Variants in IMMP2L observed in about 807,000 individuals in gnomAD.
IMMP2L encodes mitochondrial inner membrane protease subunit 2.
IMMP2L carries 18 observed loss-of-function variants against 19.3 expected under a neutral mutation model. That is an observed-to-expected ratio of 0.93 (90% CI 0.64 to 1.38). The LOEUF (loss-of-function observed/expected upper bound fraction) is 1.38. IMMP2L is among the 40% of genes most tolerant of loss of function. The probability of loss-of-function intolerance (pLI) is 0.00; values close to 1 mark genes in which losing one functional copy is unlikely to be tolerated. For synonymous variants in IMMP2L, 76 were observed against 73.0 expected, an observed-to-expected ratio of 1.04 and a Z score of -0.21; for missense variants, 233 against 218.2, an observed-to-expected ratio of 1.07 and a Z score of -0.43.
intron 3 of IMMP2L, among the ~76,000 whole-genome samples, chr7:111,424,209 C>T (rs1835857715): frequency 6.6e-6 from 1 of 151,820 alleles, no homozygotes; most frequent in Admixed American, 6.6e-5. Flanking sequence ...CGGTAAGGTA[C>T]TTTCTACTCA....
intron 3 of IMMP2L, among the ~76,000 whole-genome samples, chr7:111,378,456 C>G (rs1029265424): frequency 3.9e-5 from 6 of 151,956 alleles, no homozygotes; most frequent in Non-Finnish European, 5.9e-5. Context: ...TAATACTTCA[C>G]ATTTATTAGT....
intron 5 of IMMP2L, among the ~76,000 whole-genome samples, chr7:110,786,454 T>C (rs963255964): frequency 2.6e-5 from 4 of 151,958 alleles, no homozygotes; most frequent in Middle Eastern, 3.2e-3. Flanking sequence ...TTTTGTGAAA[T>C]TGCTATCACT....
chr7:111,242,324 T>G (rs937496778), intron 3 of IMMP2L, among the ~76,000 whole-genome samples: 13 of 152,078 alleles, frequency 8.5e-5, no homozygotes, highest in Non-Finnish European at 1.3e-4. Context: ...TCCAACGTTA[T>G]TTATGACAAA....
chr7:110,971,468 C>A (rs1820136385), intron 3 of IMMP2L, among the ~76,000 whole-genome samples: 1 of 152,090 alleles, frequency 6.6e-6, no homozygotes, highest in African/African-American at 2.4e-5. Context: ...GACAGGCCAA[C>A]ATGCCATCCC....
At chr7:110,899,796 G>A (rs1811680961) in intron 4 of IMMP2L, among the ~76,000 whole-genome samples, 1 of 152,152 alleles carries the variant, frequency 6.6e-6, no homozygotes. Context: ...CTGTATGTTT[G>A]CTATTAAACA....
At chr7:111,318,494 CATT>C (rs1824345095) in intron 3 of IMMP2L, among the ~76,000 whole-genome samples, 1 of 152,260 alleles carries the variant, frequency 6.6e-6, no homozygotes, top group African/African-American at 2.4e-5. Flanking sequence ...TCATCATCAT[CATT>C]AAGAAGCCTC....
At chr7:110,886,998 C>A (rs1810287912) in intron 4 of IMMP2L, among the ~76,000 whole-genome samples, 1 of 151,994 alleles carries the variant, frequency 6.6e-6, no homozygotes, top group South Asian at 2.1e-4. Flanking sequence ...TTTATGAAAT[C>A]CGGTAAGCCC....
At chr7:111,227,583 T>C (rs183357478) in intron 3 of IMMP2L, among the ~76,000 whole-genome samples, 1 of 152,152 alleles carries the variant, frequency 6.6e-6, no homozygotes, top group African/African-American at 2.4e-5. Flanking sequence ...AAGAAATAAA[T>C]GTGTCTACAA....
chr7:111,131,360 G>C (rs571827446), intron 3 of IMMP2L, among the ~76,000 whole-genome samples: 7 of 151,926 alleles, frequency 4.6e-5, no homozygotes, highest in Admixed American at 4.6e-4. Context: ...TTCTGTTGAC[G>C]CATGCATAGA....
intron 3 of IMMP2L, among the ~76,000 whole-genome samples, chr7:111,254,000 T>C (rs192684751): frequency 6.6e-6 from 1 of 152,266 alleles, no homozygotes; most frequent in African/African-American, 2.4e-5. Context: ...ACATAATATT[T>C]ATGGAAATTA....
At chr7:111,469,644 A>G (rs1312533259) in intron 3 of IMMP2L, among the ~76,000 whole-genome samples, 1 of 152,150 alleles carries the variant, frequency 6.6e-6, no homozygotes, top group Non-Finnish European at 1.5e-5. Flanking sequence ...TATTTAATAA[A>G]TGGTGCTGGG....
chr7:110,777,577 T>C (rs932779732), intron 5 of IMMP2L, among the ~76,000 whole-genome samples: 6 of 151,996 alleles, frequency 3.9e-5, no homozygotes, highest in African/African-American at 1.4e-4. Context: ...CTGAGAAAGC[T>C]GCAGAGCTGG....
chr7:111,195,616 C>T lies in IMMP2L; in HGVS notation c.240-232051G>A, dbSNP rs867512537. Among the ~76,000 whole-genome samples, 35 of 152,044 alleles carry T rather than the reference C, an allele frequency of 2.3e-4. 1 individual carries two copies. The highest frequency in any genetic ancestry group is 3.4e-4 in the Non-Finnish European group (23 of 67,982). ...TATATTTTCATTGAAAGTCTAATTA[C>T]GGACTGAGTCTGTCTTCAGGATGCT... On this transcript the variant is annotated intron_variant, in intron 3 of 5. Coordinates refer to ENST00000405709, the MANE Select transcript of IMMP2L (RefSeq NM_032549.4).
intron 5 of IMMP2L, among the ~76,000 whole-genome samples, chr7:110,826,506 C>T (rs1183450328): frequency 6.6e-6 from 1 of 151,948 alleles, no homozygotes; most frequent in Non-Finnish European, 1.5e-5. Context: ...ACTATGCAGC[C>T]ATAAAAAAGG....
intron 1 of IMMP2L, among the ~76,000 whole-genome samples, chr7:111,548,175 C>T (rs1273846851): frequency 1.3e-5 from 2 of 151,736 alleles, no homozygotes; most frequent in East Asian, 2.0e-4. Context: ...TATCTTGTCA[C>T]CCAATTCAAT....
At chr7:110,913,041 A>G (rs979312630) in intron 4 of IMMP2L, among the ~76,000 whole-genome samples, 1 of 152,152 alleles carries the variant, frequency 6.6e-6, no homozygotes. Flanking sequence ...GAACCCTGGG[A>G]ACAATAAACT....
chr7:111,122,959 T>C (rs531986779), intron 3 of IMMP2L: 15 of 1,614,040 alleles, frequency 9.3e-6, no homozygotes, highest in Middle Eastern at 1.7e-4. Context: ...TCTTTTAACT[T>C]TCCCAGCCAG....
chr7:111,131,360 G>A (rs571827446), intron 3 of IMMP2L, among the ~76,000 whole-genome samples: 4 of 151,810 alleles, frequency 2.6e-5, no homozygotes, highest in Non-Finnish European at 5.9e-5. Context: ...TTCTGTTGAC[G>A]CATGCATAGA....
At chr7:111,308,155 G>GCT (rs1823089827) in intron 3 of IMMP2L, among the ~76,000 whole-genome samples, 1 of 151,796 alleles carries the variant, frequency 6.6e-6, no homozygotes, top group Non-Finnish European at 1.5e-5. Context: ...AAAAATCCCA[G>GCT]GCTAAAAAGT....
Sources: gnomAD v4.1 joint callset for allele counts (sites outside exome capture counted in the v4.1 genomes callset) on GRCh38, gnomAD v4.1.1 for gene constraint, MANE v1.5 for transcripts, NCBI Gene and HGNC (gene_info 2026-07-23, HGNC 2026-07-21) for gene names.